SLC22A11: variants seen among roughly 807,000 people sequenced by gnomAD.
SLC22A11 encodes the protein solute carrier family 22 member 11, also known as organic anion transporter 4.
In SLC22A11, 42 loss-of-function variants were observed where a neutral mutation model predicts 49.4. The ratio of observed to expected loss-of-function variants is 0.85; its 90% confidence interval spans 0.66 to 1.10. SLC22A11 has a LOEUF of 1.10. SLC22A11 is among the 50% of genes least tolerant of loss of function. SLC22A11 has a pLI of 0.00. For synonymous variants in SLC22A11, 304 were observed against 315.8 expected (o/e 0.96, Z 0.40); for missense variants, 685 against 731.6 (o/e 0.94, Z 0.74).
At chr11:64,570,924 T>C in intron 9 of SLC22A11, 55 bp from the exon 10 acceptor site, 2 of 1,593,938 alleles carry the variant, frequency 1.3e-6, no homozygotes, top group Non-Finnish European at 1.7e-6. Flanking sequence ...TGCCCCAAGC[T>C]CCGAGTACAT....
chr11:64,566,440 CAGA>C (rs1041518102), intron 6 of SLC22A11: 1 of 149,532 alleles, frequency 6.7e-6, no homozygotes, highest in African/African-American at 2.5e-5. Flanking sequence ...TCTGATAAAT[CAGA>C]AGGAGTGCTC....
At chr11:64,566,490 A>G (rs571658216) in intron 6 of SLC22A11, 1 of 150,594 alleles carries the variant, frequency 6.6e-6, no homozygotes, top group African/African-American at 2.4e-5. Context: ...TTTTTTTTAA[A>G]AAAAAAAAAA....
rs2038718822 is a variant in SLC22A11 at position 64,572,633 on chromosome 11, C to G, written c.*1591C>G. 6.6e-6 allele frequency: 1 copy of G among 152,262 alleles called. No homozygotes were observed. The highest frequency in any genetic ancestry group is 1.5e-5 in the Non-Finnish European group (1 of 68,066). The allele number at this position is 152,262 out of a possible 1,614,324, so 9.4% of individuals were successfully genotyped here. A position where few individuals can be genotyped will look rare whatever the true frequency, so the allele number is the denominator to read the frequency against. On this transcript the variant is annotated 3_prime_UTR_variant, in exon 10 of 10. Coordinates refer to ENST00000301891, the MANE Select transcript of SLC22A11 (RefSeq NM_018484.4). ...CACGGTTGTAGCTCCAAACTGGTCC[C>G]TGATGTCTACATTGCACTCTGCACA...
At position 64,565,248 on chromosome 11, in the gene SLC22A11, G is replaced by T; in HGVS notation, c.969G>T (p.Glu323Asp). Residue 323 changes from glutamate (E) to aspartate (D), a missense_variant, in exon 6 of 10, where the codon GAG (glutamate) becomes GAT (aspartate). Coordinates refer to ENST00000301891, the MANE Select transcript of SLC22A11 (RefSeq NM_018484.4). This position sits in a 1 kb window ranked among gnomAD's most constrained non-coding sequence, Gnocchi z 4.1. ...TGCTGATGTCCAGCGTGAAGGAGGA[G>T]GTGGCCTCTGCAAAGGAGCCGCGGT... is the stretch of plus-strand genomic sequence containing the variant. ...IEVLMSSVKE[E>D]VASAKEPRSV... 1 of 1,546,908 alleles carries T rather than the reference G, an allele frequency of 6.5e-7. No homozygotes were observed. Among genetic ancestry groups the T allele is most frequent in the Non-Finnish European group, 8.7e-7 (1 of 1,144,624 alleles).
chr11:64,556,819 A>G (rs572860308), intron 1 of SLC22A11, among the ~76,000 whole-genome samples: 3 of 152,066 alleles, frequency 2.0e-5, no homozygotes, highest in South Asian at 2.1e-4. Flanking sequence ...AACCTGATCA[A>G]TGTTGAGGCT....
chr11:64,561,527 C>A (rs2038543080), intron 2 of SLC22A11, among the ~76,000 whole-genome samples: 1 of 152,216 alleles, frequency 6.6e-6, no homozygotes, highest in South Asian at 2.1e-4. Flanking sequence ...TACCTCACTG[C>A]AGCCTTGAAC....
chr11:64,567,131 G>A (rs977092357), intron 6 of SLC22A11, among the ~76,000 whole-genome samples: 1 of 152,188 alleles, frequency 6.6e-6, no homozygotes, highest in Non-Finnish European at 1.5e-5. Context: ...GGGGCTGGGG[G>A]ACAGGCTCTC....
Position 64,559,215 on chromosome 11 carries a change from T to C in SLC22A11, c.474T>C (p.Phe158=). ...IFMSGILVGS[F]IWGLLSYRFG... is the part of the protein sequence containing the mutation. ...TGTCCGGGATCCTGGTGGGCTCCTT[T>C]ATCTGGGGCCTCCTCTCCTACCGGT... is the stretch of plus-strand genomic sequence containing the variant. The change falls in exon 2 of 10, where the codon TTT becomes TTC. Residue 158 remains phenylalanine (F), a synonymous_variant. Coordinates refer to ENST00000301891, the MANE Select transcript of SLC22A11 (RefSeq NM_018484.4). The C allele has an allele frequency of 1.2e-6, 2 of 1,609,410 alleles. No individual in the cohort carries two copies. Among genetic ancestry groups the C allele is most frequent in the Non-Finnish European group, 1.7e-6 (2 of 1,177,054 alleles).
At chr11:64,559,629 T>C (rs1177414294) in intron 2 of SLC22A11, among the ~76,000 whole-genome samples, 1 of 152,132 alleles carries the variant, frequency 6.6e-6, no homozygotes, top group African/African-American at 2.4e-5. Flanking sequence ...TCAAGGCCTT[T>C]CCAGAAGCCT....
At chr11:64,557,658 G>A (rs1302200738) in intron 1 of SLC22A11, among the ~76,000 whole-genome samples, 2 of 131,922 alleles carry the variant, frequency 1.5e-5, no homozygotes, top group Non-Finnish European at 3.1e-5. Flanking sequence ...TTGAGACAGA[G>A]TCTCACTCTG....
At chr11:64,569,593 T>G (rs1374784087) in intron 8 of SLC22A11, 59 bp from the exon 9 acceptor site, 2 of 1,542,728 alleles carry the variant, frequency 1.3e-6, no homozygotes, top group East Asian at 4.5e-5. Flanking sequence ...GAGCCCAGGA[T>G]GTCTTCCTGC....
In SLC22A11 at chr11:64,562,164, T is replaced by A. The variant is rs2038556843; in HGVS notation, c.652+6T>A. Reference sequence around the variant, plus strand: ...TCTGAGTTCACTGACACTGAGTGAGTCCCCGGCTCAGCGCGCTCCTGCCAT... The same window carrying A: ...TCTGAGTTCACTGACACTGAGTGAGACCCCGGCTCAGCGCGCTCCTGCCAT... On this transcript the variant is annotated splice_donor_region_variant and intron_variant, in intron 3 of 9. Transcript: ENST00000301891. This position sits in a 1 kb window ranked among gnomAD's most constrained non-coding sequence, Gnocchi z 4.4. 1.2e-6 allele frequency: 2 copies of A among 1,612,744 alleles called. No individual in the cohort carries two copies. Among genetic ancestry groups the A allele is most frequent in the Non-Finnish European group, 1.7e-6 (2 of 1,179,460 alleles).
chr11:64,558,907 C>T (rs932911778), intron 1 of SLC22A11, among the ~76,000 whole-genome samples: 4 of 152,198 alleles, frequency 2.6e-5, no homozygotes, highest in Non-Finnish European at 4.4e-5. Flanking sequence ...CACTGGACCC[C>T]GTGGAGTGGC....
Position 64,564,543 on chromosome 11 carries a change from C to T in SLC22A11, c.942+115C>T. ...AGCACCACCTCCACCAGCACCACCA[C>T]CAGCATCTCCACAGACACCACCAAC... On this transcript the variant is annotated intron_variant, in intron 5 of 9. Coordinates refer to ENST00000301891, the MANE Select transcript of SLC22A11 (RefSeq NM_018484.4). This position sits in a 1 kb window ranked among gnomAD's most constrained non-coding sequence, Gnocchi z 4.2. 2.3e-6 allele frequency: 3 copies of T among 1,287,164 alleles called. No individual in the cohort carries two copies. Among genetic ancestry groups the T allele is most frequent in the Non-Finnish European group, 3.3e-6 (3 of 919,284 alleles). The allele number at this position is 1,287,164 out of a possible 1,614,324, so 79.7% of individuals were successfully genotyped here.
At chr11:64,568,889 G>C in intron 8 of SLC22A11, 111 bp downstream of exon 8, 5 of 915,172 alleles carry the variant, frequency 5.5e-6, no homozygotes, top group Admixed American at 1.9e-5. Flanking sequence ...GGCCGCTCAG[G>C]GTCCCCCCCA....
At chr11:64,563,306 C>G (rs999470276) in intron 4 of SLC22A11, among the ~76,000 whole-genome samples, 1 of 152,094 alleles carries the variant, frequency 6.6e-6, no homozygotes, top group Non-Finnish European at 1.5e-5. Flanking sequence ...CGATTACCAC[C>G]ATTTTCAAAT....
rs201329356 is a variant in SLC22A11, at chr11:64,564,259, G to A, written c.822-49G>A. On this transcript the variant is annotated intron_variant, in intron 4 of 9. Coordinates refer to ENST00000301891, the MANE Select transcript of SLC22A11 (RefSeq NM_018484.4). The surrounding 1 kb of genome is among the most constrained non-coding windows in gnomAD (Gnocchi z 4.2). The stretch of plus-strand genomic sequence containing the variant: ...CCACTGCCCCTTTCCACCCCGCCCC[G>A]GGGGAGAGCCCAGCGTGCACTCCCA... 519 of 1,608,094 alleles carry A rather than the reference G, an allele frequency of 3.2e-4. 2 individuals carry two copies. The African/African-American group carries it at 5.9e-3, about 18-fold the overall frequency.
At chr11:64,563,512 G>A (rs889530917) in intron 4 of SLC22A11, among the ~76,000 whole-genome samples, 1 of 146,918 alleles carries the variant, frequency 6.8e-6, no homozygotes, top group African/African-American at 2.5e-5. Context: ...CTTCCACCAG[G>A]AAAGTGTTTC....
rs985538046 is a variant in SLC22A11 at position 64,564,965 on chromosome 11, G to T, written c.943-257G>T. On this transcript the variant is annotated intron_variant, in intron 5 of 9. Coordinates refer to ENST00000301891, the MANE Select transcript of SLC22A11 (RefSeq NM_018484.4). This position sits in a 1 kb window ranked among gnomAD's most constrained non-coding sequence, Gnocchi z 4.2. ...GATTAGAGTGAAGATGGGGTCGGAGGATAAGGGAAGGCTTCCAGAAGGAGG... is the reference window on the plus strand; with the variant it reads ...GATTAGAGTGAAGATGGGGTCGGAGTATAAGGGAAGGCTTCCAGAAGGAGG... Among the ~76,000 whole-genome samples, 1 of 152,220 alleles carries T rather than the reference G, an allele frequency of 6.6e-6. No individual in the cohort carries two copies.
Sources: gnomAD v4.1 joint callset for allele counts (sites outside exome capture counted in the v4.1 genomes callset) on GRCh38, gnomAD v4.1.1 for gene constraint, Gnocchi (gnomAD v3.1) non-coding constraint, MANE v1.5 for transcripts, NCBI Gene and HGNC (gene_info 2026-07-23, HGNC 2026-07-21) for gene names.